ZNRF3: variants seen among roughly 807,000 people sequenced by gnomAD.
ZNRF3 encodes zinc and ring finger 3, also known as E3 ubiquitin-protein ligase ZNRF3.
Under a neutral mutation model 72.5 loss-of-function variants are expected in ZNRF3, and 23 were observed. That is an observed-to-expected ratio of 0.32 (90% CI 0.23 to 0.45). The LOEUF (loss-of-function observed/expected upper bound fraction) is 0.45, where lower values mean the gene tolerates loss of function less well. ZNRF3 is among the 20% of genes least tolerant of loss of function. ZNRF3 has a pLI of 1.00. For synonymous variants in ZNRF3, 610 were observed against 545.3 expected, an observed-to-expected ratio of 1.12 and a Z score of -1.65; for missense variants, 1,169 against 1,272.1, an observed-to-expected ratio of 0.92 and a Z score of 1.23.
At chr22:28,973,180 A>G (rs912897805) in intron 1 of ZNRF3, among the ~76,000 whole-genome samples, 2 of 152,064 alleles carry the variant, frequency 1.3e-5, no homozygotes, top group African/African-American at 4.8e-5. Flanking sequence ...GAGTTTTGCT[A>G]TGTTACTTAG....
At position 28,883,789 on chromosome 22, in the gene ZNRF3, G is replaced by A; in HGVS notation, c.23G>A (p.Arg8His). The A allele has an allele frequency of 1.0e-6, 1 of 979,572 alleles. No homozygotes were observed. Among genetic ancestry groups the A allele is most frequent in the Non-Finnish European group, 1.2e-6 (1 of 827,612 alleles). 60.7% of individuals were successfully genotyped at this position (979,572 alleles called of 1,614,324 possible). Residue 8 changes from arginine (R) to histidine (H), a missense_variant, in exon 1 of 9, where the codon CGC becomes CAC. By Grantham distance (29) the Arg-to-His change is conservative. Around this residue, in one of 2 missense-constraint regions of ZNRF3, gnomAD observed 386 missense variants for 540.7 expected, o/e 0.71. Coordinates refer to ENST00000544604, the MANE Select transcript of ZNRF3 (RefSeq NM_001206998.2). This position sits in a 1 kb window ranked among gnomAD's most constrained non-coding sequence, Gnocchi z 5.5. ...ACCATGAGGCCGCGCTCGGGCGGGC[G>A]CCCAGGGGCCACGGGCCGCCGCCGC... Reference protein sequence around the residue: MRPRSGGRPGATGRRRRR... With the variant: MRPRSGGHPGATGRRRRR...
At chr22:28,989,285 A>C (rs1280281368) in intron 2 of ZNRF3, among the ~76,000 whole-genome samples, 1 of 152,152 alleles carries the variant, frequency 6.6e-6, no homozygotes, top group African/African-American at 2.4e-5. Context: ...GGGCCAAAGA[A>C]AGACAGTTTT....
chr22:28,994,198 T>TTTTTTTTTTTTTTTTTTTTTTTTTC (rs2036009641), intron 2 of ZNRF3, among the ~76,000 whole-genome samples: 1 of 103,354 alleles, frequency 9.7e-6, no homozygotes, highest in African/African-American at 3.4e-5. Context: ...TTTTTTTTTT[T>TTTTTTTTTTTTTTTTTTTTTTTTTC]TTTTTGAGAT....
intron 2 of ZNRF3, among the ~76,000 whole-genome samples, chr22:29,035,724 C>T (rs1375754084): frequency 1.3e-5 from 2 of 152,038 alleles, no homozygotes; most frequent in Non-Finnish European, 2.9e-5. Context: ...TACAGGGGCA[C>T]GCTGCCACGC....
chr22:28,971,659 G>C (rs1217595823), intron 1 of ZNRF3, among the ~76,000 whole-genome samples: 1 of 152,170 alleles, frequency 6.6e-6, no homozygotes, highest in Non-Finnish European at 1.5e-5. Flanking sequence ...GGGAAATAAA[G>C]TAATTGCCTG....
intron 1 of ZNRF3, among the ~76,000 whole-genome samples, chr22:28,980,229 G>C (rs1423035321): frequency 2.0e-5 from 3 of 152,088 alleles, no homozygotes; most frequent in South Asian, 4.2e-4. Flanking sequence ...GTGGGTGGAG[G>C]GGGGGAAGGG....
At chr22:28,983,228 A>T (rs528740411) in intron 1 of ZNRF3, among the ~76,000 whole-genome samples, 1 of 152,240 alleles carries the variant, frequency 6.6e-6, no homozygotes, top group African/African-American at 2.4e-5. Context: ...AAGATTTGAT[A>T]GAGGAGTTTG....
intron 2 of ZNRF3, among the ~76,000 whole-genome samples, chr22:29,024,554 C>T (rs536804502): frequency 1.3e-5 from 2 of 152,024 alleles, no homozygotes; most frequent in Non-Finnish European, 2.9e-5. Context: ...TGTGATATTT[C>T]TCTTCTTCAG....
At chr22:28,992,485 CCCCCCAGTCT>C (rs1046262333) in intron 2 of ZNRF3, among the ~76,000 whole-genome samples, 1 of 151,948 alleles carries the variant, frequency 6.6e-6, no homozygotes, top group African/African-American at 2.4e-5. Context: ...GGAGACGCAG[CCCCCCAGTCT>C]CCCTGGGCAT....
intron 2 of ZNRF3, chr22:29,018,552 C>A (rs1318417316): frequency 6.5e-6 from 1 of 153,352 alleles, no homozygotes; most frequent in African/African-American, 2.4e-5. Context: ...AGTGTGTATT[C>A]AAACCAGGAG....
rs79960350 is a variant in ZNRF3 at position 28,903,343 on chromosome 22, T to C, written c.300+19277T>C. 5.1e-3 allele frequency among the ~76,000 whole-genome samples: 774 copies of C among 152,308 alleles called. 4 individuals carry two copies. The highest frequency in any genetic ancestry group is 9.2e-3 in the Non-Finnish European group (623 of 68,030). The stretch of plus-strand genomic sequence containing the variant: ...GCTCCGAGGAAAGGAGGGTGCTGAT[T>C]GCTCCTCTGGATCCAGCCGGACGCA... On this transcript the variant is annotated intron_variant, in intron 1 of 8. Transcript: ENST00000544604.
intron 2 of ZNRF3, among the ~76,000 whole-genome samples, chr22:29,005,104 T>G (rs1263671309): frequency 1.3e-5 from 2 of 152,206 alleles, no homozygotes; most frequent in African/African-American, 4.8e-5. Flanking sequence ...TGCGCCTGTT[T>G]CCATGGTCAC....
intron 2 of ZNRF3, among the ~76,000 whole-genome samples, chr22:29,027,881 A>G (rs16987068): frequency 0.013 from 1,980 of 152,300 alleles, 40 homozygotes; most frequent in African/African-American, 0.045. Flanking sequence ...AGTGCTAAAA[A>G]GAGCCTGGGT....
At position 29,046,889 on chromosome 22, in the gene ZNRF3, G is replaced by T; in HGVS notation, c.912+6G>T. ...AGAAGTACATTGATGGAGAGGTAAT[G>T]GCAGAAGCAGGCCCGTCCTGGGTGG... On this transcript the variant is annotated splice_donor_region_variant and intron_variant, in intron 6 of 8. Coordinates refer to ENST00000544604, the MANE Select transcript of ZNRF3 (RefSeq NM_001206998.2). 6.5e-7 allele frequency: 1 copy of T among 1,548,402 alleles called. No individual in the cohort carries two copies. Among genetic ancestry groups the T allele is most frequent in the South Asian group, 1.3e-5 (1 of 79,338 alleles).
At chr22:28,971,199 T>G (rs1264205748) in intron 1 of ZNRF3, among the ~76,000 whole-genome samples, 2 of 145,284 alleles carry the variant, frequency 1.4e-5, no homozygotes, top group Admixed American at 6.9e-5. Flanking sequence ...TAAAAAAATG[T>G]TTTTTTTTTT....
intron 2 of ZNRF3, among the ~76,000 whole-genome samples, chr22:29,034,678 G>A (rs114507504): frequency 0.026 from 3,948 of 152,296 alleles, 82 homozygotes; most frequent in African/African-American, 0.058. Flanking sequence ...TTTGGGAAAG[G>A]CTACTATAGA....
intron 1 of ZNRF3, among the ~76,000 whole-genome samples, chr22:28,909,206 T>G (rs2034270006): frequency 6.6e-6 from 1 of 151,930 alleles, no homozygotes; most frequent in African/African-American, 2.4e-5. Context: ...CTCTGTTGGG[T>G]TTTTTAGGCA....
chr22:28,914,495 C>CT (rs132544), intron 1 of ZNRF3, among the ~76,000 whole-genome samples: 87,907 of 125,922 alleles, frequency 0.7, 33,156 homozygotes, highest in Middle Eastern at 0.84. Flanking sequence ...TGACATAGAG[C>CT]TTTTTTTTTT....
intron 1 of ZNRF3, among the ~76,000 whole-genome samples, chr22:28,907,498 G>A (rs765583897): frequency 6.6e-5 from 10 of 152,180 alleles, no homozygotes; most frequent in Non-Finnish European, 1.5e-4. Context: ...AGCAGGTGGT[G>A]GCCGCATGGT....
Sources: gnomAD v4.1 joint callset for allele counts (sites outside exome capture counted in the v4.1 genomes callset) on GRCh38, gnomAD v4.1.1 for gene constraint, gnomAD v4.1.1 regional missense constraint, Gnocchi (gnomAD v3.1) non-coding constraint, MANE v1.5 for transcripts, NCBI Gene and HGNC (gene_info 2026-07-23, HGNC 2026-07-21) for gene names.